PAIP2B: variants seen among roughly 807,000 people sequenced by gnomAD.
PAIP2B encodes polyadenylate-binding protein-interacting protein 2B.
PAIP2B carries 13 observed loss-of-function variants against 17.0 expected under a neutral mutation model. The ratio of observed to expected loss-of-function variants is 0.76; its 90% CI spans 0.50 to 1.22. The LOEUF is 1.22. Ranked by LOEUF, PAIP2B falls within the 50% of genes most tolerant of loss-of-function variation. The probability of loss-of-function intolerance (pLI) is 0.00; values close to 1 mark genes in which losing one functional copy is unlikely to be tolerated. For synonymous variants in PAIP2B, 43 were observed against 48.7 expected (o/e 0.88, Z 0.48); for missense variants, 117 against 144.5 (o/e 0.81, Z 0.98).
intron 1 of PAIP2B, among the ~76,000 whole-genome samples, chr2:71,204,715 C>A (rs948466416): frequency 4.6e-5 from 7 of 151,842 alleles, no homozygotes; most frequent in Non-Finnish European, 8.8e-5. Flanking sequence ...GGGAAAGAAA[C>A]CAGTTCTTTA....
At chr2:71,213,515 G>A (rs1346292548) in intron 1 of PAIP2B, among the ~76,000 whole-genome samples, 3 of 152,210 alleles carry the variant, frequency 2.0e-5, no homozygotes. Context: ...TGAGGGCACA[G>A]TGCTAGACAG....
chr2:71,190,512 A>G (rs746147798), intron 2 of PAIP2B, among the ~76,000 whole-genome samples: 1 of 152,204 alleles, frequency 6.6e-6, no homozygotes, highest in Non-Finnish European at 1.5e-5. Flanking sequence ...CCTAATGACT[A>G]GCTAGAGATA....
Position 71,188,385 on chromosome 2 carries a change from T to G in PAIP2B, c.*94A>C. On this transcript the variant is annotated 3_prime_UTR_variant, in exon 4 of 4. Transcript: ENST00000244221. ...CACTCCCCTTCCCGCTGTGCACCCC[T>G]CGCCCGCCCCATCCCCCTCTTCAGC... The G allele has an allele frequency of 2.7e-4, 175 of 658,234 alleles. No homozygotes were observed. The highest frequency in any genetic ancestry group is 3.7e-4 in the Non-Finnish European group (140 of 381,030). The allele number at this position is 658,234 out of a possible 1,614,324, so 40.8% of individuals were successfully genotyped here.
chr2:71,205,840 G>T (rs572955697), intron 1 of PAIP2B, among the ~76,000 whole-genome samples: 24 of 152,308 alleles, frequency 1.6e-4, no homozygotes, highest in African/African-American at 5.5e-4. Flanking sequence ...CATAAATCGG[G>T]TTAAGAGGCT....
intron 1 of PAIP2B, among the ~76,000 whole-genome samples, chr2:71,223,565 T>G (rs1473728960): frequency 6.6e-6 from 1 of 151,706 alleles, no homozygotes; most frequent in Non-Finnish European, 1.5e-5. Context: ...GCCTCCTGAA[T>G]AGCTGGGACT....
At chr2:71,200,615 G>GGT (rs1369590285) in intron 2 of PAIP2B, among the ~76,000 whole-genome samples, 1 of 152,106 alleles carries the variant, frequency 6.6e-6, no homozygotes, top group Non-Finnish European at 1.5e-5. Flanking sequence ...TGCCAGGGAT[G>GGT]GTGACACATG....
chr2:71,212,115 TTA>T (rs1675317051), intron 1 of PAIP2B, among the ~76,000 whole-genome samples: 2 of 152,234 alleles, frequency 1.3e-5, no homozygotes, highest in African/African-American at 2.4e-5. Context: ...GGGTAAATTA[TTA>T]TATATAAAAA....
chr2:71,209,470 C>G (rs751543662), intron 1 of PAIP2B, among the ~76,000 whole-genome samples: 1 of 152,148 alleles, frequency 6.6e-6, no homozygotes, highest in Non-Finnish European at 1.5e-5. Context: ...AATCCAAATG[C>G]CTGGGATGCT....
intron 1 of PAIP2B, among the ~76,000 whole-genome samples, chr2:71,220,036 CATCATTTGGATGTACCATAGTTTACTT>C (rs1199107443): frequency 6.6e-6 from 1 of 152,104 alleles, no homozygotes; most frequent in Non-Finnish European, 1.5e-5. Flanking sequence ...CACAGTATTC[CATCATTTGGATGTACCATAGTTTACTT>C]AACCAGTTCC....
intron 2 of PAIP2B, among the ~76,000 whole-genome samples, chr2:71,194,169 T>G (rs962103641): frequency 3.9e-5 from 6 of 152,224 alleles, no homozygotes; most frequent in Admixed American, 1.3e-4. Context: ...TCAGCTTTGT[T>G]CTTTTTACTT....
chr2:71,205,669 C>T (rs892166051), intron 1 of PAIP2B, among the ~76,000 whole-genome samples: 4 of 152,190 alleles, frequency 2.6e-5, no homozygotes, highest in East Asian at 3.8e-4. Context: ...CCCCAGCTCA[C>T]GGTCCATGCT....
At chr2:71,197,853 A>C (rs11680526) in intron 2 of PAIP2B, among the ~76,000 whole-genome samples, 9,665 of 152,270 alleles carry the variant, frequency 0.063, 336 homozygotes, top group African/African-American at 0.082. Context: ...GAGAACAGCA[A>C]GGAAAGACTC....
rs564064405 is a variant in PAIP2B, at chr2:71,183,690, A to G, written c.*4789T>C. 2 of 152,356 alleles carry G rather than the reference A, an allele frequency of 1.3e-5. No individual in the cohort carries two copies. The highest frequency in any genetic ancestry group is 6.5e-5 in the Admixed American group (1 of 15,310). 9.4% of individuals were successfully genotyped at this position (152,356 alleles called of 1,614,324 possible). A position where few individuals can be genotyped will look rare whatever the true frequency, so the allele number is the denominator to read the frequency against. The stretch of plus-strand genomic sequence containing the variant: ...AAAAGCCAGACCCAAGGGACCACAT[A>G]TTGTATGATTCCATTGATTTGAACT... On this transcript the variant is annotated 3_prime_UTR_variant, in exon 4 of 4. Coordinates refer to ENST00000244221, the MANE Select transcript of PAIP2B (RefSeq NM_020459.1).
At chr2:71,219,989 T>A (rs1675536512) in intron 1 of PAIP2B, among the ~76,000 whole-genome samples, 1 of 152,248 alleles carries the variant, frequency 6.6e-6, no homozygotes, top group Admixed American at 6.5e-5. Context: ...TTCTTCCACA[T>A]GAGTACATAG....
Position 71,187,833 on chromosome 2 carries a change from C to T in PAIP2B, c.*646G>A, listed in dbSNP as rs1674576353. ...ACTCAAGTGACAACCACCATCACAG[C>T]CCTACCTTCTGATTTACAACTTTCA... On this transcript the variant is annotated 3_prime_UTR_variant, in exon 4 of 4. Coordinates refer to ENST00000244221, the MANE Select transcript of PAIP2B (RefSeq NM_020459.1). 1 of 152,806 alleles carries T rather than the reference C, an allele frequency of 6.5e-6. No homozygotes were observed. Among genetic ancestry groups the T allele is most frequent in the South Asian group, 2.1e-4 (1 of 4,858 alleles). 9.5% of individuals were successfully genotyped at this position (152,806 alleles called of 1,614,324 possible).
intron 2 of PAIP2B, among the ~76,000 whole-genome samples, chr2:71,197,799 C>T (rs772019886): frequency 1.5e-4 from 23 of 152,248 alleles, no homozygotes; most frequent in South Asian, 4.1e-4. Flanking sequence ...GGAAAACTCC[C>T]GTTTTTAAAA....
chr2:71,217,836 G>GC (rs529809823), intron 1 of PAIP2B, among the ~76,000 whole-genome samples: 187 of 102,340 alleles, frequency 1.8e-3, no homozygotes, highest in Non-Finnish European at 3.2e-3. Context: ...GGCAAGCCAA[G>GC]GGGGGAGATT....
intron 2 of PAIP2B, among the ~76,000 whole-genome samples, chr2:71,194,821 T>G (rs1674776337): frequency 6.6e-6 from 1 of 152,230 alleles, no homozygotes; most frequent in South Asian, 2.1e-4. Context: ...TCAAGGGGAA[T>G]GCTTCCAGCT....
intron 2 of PAIP2B, among the ~76,000 whole-genome samples, chr2:71,197,005 T>C (rs13339770): frequency 0.067 from 10,136 of 152,214 alleles, 376 homozygotes; most frequent in African/African-American, 0.092. Context: ...GGCATTTAGC[T>C]CATTTACATT....
Sources: allele counts gnomAD v4.1 joint callset (sites outside exome capture counted in the v4.1 genomes callset), GRCh38; gene constraint gnomAD v4.1.1; transcripts MANE v1.5; gene names NCBI Gene and HGNC (gene_info 2026-07-23, HGNC 2026-07-21).